HMCN2: variants seen among roughly 807,000 people sequenced by gnomAD.
HMCN2 encodes the protein hemicentin 2.
In HMCN2, 325 loss-of-function variants were observed where a neutral mutation model predicts 377.5. The ratio of observed to expected loss-of-function variants is 0.86; its 90% CI spans 0.79 to 0.94. HMCN2 has a LOEUF of 0.94. Among genes scored for constraint, HMCN2 ranks in the 40% least tolerant of loss-of-function variants. HMCN2 has a pLI of 0.00. For synonymous variants in HMCN2, 2,007 were observed against 2,046.8 expected, an observed-to-expected ratio of 0.98 and a Z score of 0.53; for missense variants, 4,543 against 4,725.3, an observed-to-expected ratio of 0.96 and a Z score of 1.13.
chr9:130,339,298 G>A, intron 23 of HMCN2, among the ~76,000 whole-genome samples: 1 of 152,356 alleles, frequency 6.6e-6, no homozygotes, highest in Middle Eastern at 3.4e-3. Context: ...TGACGGCAGA[G>A]GTGAGAAGTG....
chr9:130,366,754 A>G (rs757795388), intron 43 of HMCN2, among the ~76,000 whole-genome samples: 4 of 151,956 alleles, frequency 2.6e-5, no homozygotes, highest in Non-Finnish European at 5.9e-5. Context: ...CACCCAGCCC[A>G]TTTAACCAAT....
chr9:130,335,428 A>G (rs1838694097), intron 22 of HMCN2, among the ~76,000 whole-genome samples: 1 of 152,170 alleles, frequency 6.6e-6, no homozygotes, highest in Non-Finnish European at 1.5e-5. Context: ...GCCAGGACAC[A>G]TACATATTTC....
intron 26 of HMCN2, among the ~76,000 whole-genome samples, chr9:130,348,232 C>A (rs1478687270): frequency 6.6e-6 from 1 of 152,196 alleles, no homozygotes; most frequent in African/African-American, 2.4e-5. Flanking sequence ...CTCAGGGGGA[C>A]CCTCCCTGGT....
Position 130,394,075 on chromosome 9 carries a change from G to A in HMCN2, c.10501+67G>A, listed in dbSNP as rs1842476736. Reference sequence around the variant, plus strand: ...GAGAGGGTGGGACTCTAGGGGCAATGGGAAGGACAGTGAGGGAGGTGAGTC... The same window carrying A: ...GAGAGGGTGGGACTCTAGGGGCAATAGGAAGGACAGTGAGGGAGGTGAGTC... On this transcript the variant is annotated intron_variant, in intron 68 of 97. Transcript: ENST00000683500. This position sits in a 1 kb window ranked among gnomAD's most constrained non-coding sequence, Gnocchi z 5.1. 4 of 1,179,996 alleles carry A rather than the reference G, an allele frequency of 3.4e-6. No individual in the cohort carries two copies. Among genetic ancestry groups the A allele is most frequent in the Non-Finnish European group, 4.3e-6 (4 of 933,738 alleles). The allele number at this position is 1,179,996 out of a possible 1,614,324, so 73.1% of individuals were successfully genotyped here.
At chr9:130,296,550 T>C (rs2086469509) in intron 6 of HMCN2, 124 bp from the exon 7 acceptor site, 4 of 389,380 alleles carry the variant, frequency 1.0e-5, no homozygotes, top group Admixed American at 2.8e-5. Flanking sequence ...GTTGCCCATG[T>C]GTCTACAAAA....
chr9:130,395,479 G>A (rs771514825), intron 71 of HMCN2, 132 bp downstream of exon 71: 56 of 746,966 alleles, frequency 7.5e-5, no homozygotes, highest in Non-Finnish European at 9.4e-5. Flanking sequence ...CCTGTTCCCC[G>A]GGTGTCATAC....
In HMCN2 at chr9:130,425,924, G is replaced by A. The variant is rs1308319311; in HGVS notation, c.13879G>A (p.Glu4627Lys). The A allele has an allele frequency of 6.5e-7, 1 of 1,545,464 alleles. No homozygotes were observed. The highest frequency in any genetic ancestry group is 1.2e-5 in the South Asian group (1 of 83,876). The change falls in exon 90 of 98, where the codon GAG (glutamate) becomes AAG (lysine). Residue 4627 changes from glutamate to lysine, a missense_variant and splice_region_variant. Glu to Lys is a moderately conservative substitution (Grantham distance 56). Transcript: ENST00000683500. ...RFQLATALQA[E>K]ENEVGCPEGF... Reference sequence around the variant, plus strand: ...CCAGCTCGCTACAGCCCTGCAGGCGGGTGAGGCCCCTCTGCTTTGTTCCAC... The same window carrying A: ...CCAGCTCGCTACAGCCCTGCAGGCGAGTGAGGCCCCTCTGCTTTGTTCCAC...
At chr9:130,279,056 C>T (rs1382635292) in intron 1 of HMCN2, among the ~76,000 whole-genome samples, 2 of 151,864 alleles carry the variant, frequency 1.3e-5, no homozygotes, top group Admixed American at 1.3e-4. Flanking sequence ...CGTCACCAGG[C>T]CCAGCTAATT....
At position 130,398,649 on chromosome 9, in the gene HMCN2, G is replaced by C; in HGVS notation, c.11425G>C (p.Val3809Leu). Residue 3809 changes from valine (V) to leucine (L), a missense_variant, in exon 75 of 98, where the codon GTG becomes CTG. Coordinates refer to ENST00000683500, the MANE Select transcript of HMCN2 (RefSeq NM_001291815.2). ...CEASGSPKPL[V>L]VWWKDGQKLD... ...GGCCAGCGGCTCCCCTAAGCCCCTG[G>C]TGGTCTGGTGGAAGGACGGACAGAA... 1 of 1,289,616 alleles carries C rather than the reference G, an allele frequency of 7.8e-7. No individual in the cohort carries two copies. 79.9% of individuals were successfully genotyped at this position (1,289,616 alleles called of 1,614,324 possible). A position where few individuals can be genotyped will look rare whatever the true frequency, so the allele number is the denominator to read the frequency against.
intron 1 of HMCN2, among the ~76,000 whole-genome samples, chr9:130,273,061 TGTTCTG>T (rs1394231831): frequency 6.6e-6 from 1 of 152,170 alleles, no homozygotes; most frequent in Non-Finnish European, 1.5e-5. Flanking sequence ...ACATGCCTCT[TGTTCTG>T]TTCACATTTA....
chr9:130,353,014 G>C lies in HMCN2; in HGVS notation c.4673G>C (p.Gly1558Ala). 7.7e-7 allele frequency: 1 copy of C among 1,304,150 alleles called. No individual in the cohort carries two copies. The highest frequency in any genetic ancestry group is 1.0e-6 in the Non-Finnish European group (1 of 988,898). The allele number at this position is 1,304,150 out of a possible 1,614,324, so 80.8% of individuals were successfully genotyped here. A position where few individuals can be genotyped will look rare whatever the true frequency, so the allele number is the denominator to read the frequency against. Residue 1558 changes from glycine (G) to alanine (A), a missense_variant, in exon 31 of 98, where the codon GGA becomes GCA. Gly to Ala is a moderately conservative substitution (Grantham distance 60). Transcript: ENST00000683500. ...HLVQLLCEAR[G>A]VPTPNITWFK... ...GTGCAGCTCCTGTGTGAGGCTCGAG[G>C]AGTGCCCACCCCAAACATCACCTGG...
intron 1 of HMCN2, among the ~76,000 whole-genome samples, chr9:130,276,708 A>T (rs1834714454): frequency 1.3e-5 from 2 of 152,172 alleles, no homozygotes. Context: ...CTGTCCCTTG[A>T]GGGTGTCTTT....
intron 12 of HMCN2, among the ~76,000 whole-genome samples, chr9:130,306,549 C>T (rs1488819111): frequency 6.6e-6 from 1 of 150,992 alleles, no homozygotes; most frequent in Non-Finnish European, 1.5e-5. Flanking sequence ...CCCGTCCCCA[C>T]CATTCAGGCT....
intron 1 of HMCN2, among the ~76,000 whole-genome samples, chr9:130,270,261 C>T (rs1357246733): frequency 2.2e-5 from 3 of 133,718 alleles, no homozygotes; most frequent in Middle Eastern, 4.0e-3. Flanking sequence ...CACTTAGGTG[C>T]TTATAAAGGT....
At position 130,393,250 on chromosome 9, in the gene HMCN2, C is replaced by T. The variant is rs930089761; in HGVS notation, c.10175C>T (p.Thr3392Ile). 2.0e-6 allele frequency: 2 copies of T among 988,474 alleles called. No homozygotes were observed. Among genetic ancestry groups the T allele is most frequent in the South Asian group, 4.7e-5 (1 of 21,412 alleles). The allele number at this position is 988,474 out of a possible 1,614,324, so 61.2% of individuals were successfully genotyped here. Residue 3392 changes from threonine to isoleucine, a missense_variant, in exon 67 of 98, where the codon ACC becomes ATC. Transcript: ENST00000683500. This position sits in a 1 kb window ranked among gnomAD's most constrained non-coding sequence, Gnocchi z 5.2. ...KVQLADAGIF[T>I]CVAASPAGVA... is the part of the protein sequence containing the mutation. ...CAATTGGCAGACGCTGGCATCTTCA[C>T]CTGTGTGGCCGCAAGCCCAGCTGGC...
rs1554935039 is a variant in HMCN2, at chr9:130,302,911, T to G, written c.1331T>G (p.Leu444Arg). ...PRIHGYLHQP[L>R]LVSCSVHSAL... ...ATCCATGGCTACCTGCACCAGCCCC[T>G]GCTGGTCTCCTGCTCGGTGCACAGT... is the stretch of plus-strand genomic sequence containing the variant. The change falls in exon 9 of 98, where the codon CTG (leucine) becomes CGG (arginine). Residue 444 changes from leucine (L) to arginine (R), a missense_variant. Leu to Arg is a moderately radical substitution (Grantham distance 102, BLOSUM62 -2). Coordinates refer to ENST00000683500, the MANE Select transcript of HMCN2 (RefSeq NM_001291815.2). 1 of 470,682 alleles carries G rather than the reference T, an allele frequency of 2.1e-6. No homozygotes were observed. The highest frequency in any genetic ancestry group is 4.4e-6 in the Non-Finnish European group (1 of 226,734). 29.2% of individuals were successfully genotyped at this position (470,682 alleles called of 1,614,324 possible). A position where few individuals can be genotyped will look rare whatever the true frequency, so the allele number is the denominator to read the frequency against.
intron 1 of HMCN2, among the ~76,000 whole-genome samples, chr9:130,283,162 T>A (rs1180760590): frequency 2.0e-5 from 3 of 151,890 alleles, no homozygotes; most frequent in Non-Finnish European, 4.4e-5. Context: ...CCTTACACAA[T>A]CCCCACTATG....
chr9:130,417,355 C>T (rs1177617261), intron 85 of HMCN2, among the ~76,000 whole-genome samples: 4 of 151,596 alleles, frequency 2.6e-5, no homozygotes, highest in Non-Finnish European at 5.9e-5. Flanking sequence ...AACCCCGTCT[C>T]TACCAAAAAT....
chr9:130,390,920 G>T (rs1842284826), intron 62 of HMCN2, 57 bp from the exon 63 acceptor site: 1 of 981,070 alleles, frequency 1.0e-6, no homozygotes, highest in Non-Finnish European at 1.2e-6. Flanking sequence ...GTGGGGCTCA[G>T]TTTCCTATGA....
Sources: gnomAD v4.1 joint callset for allele counts (sites outside exome capture counted in the v4.1 genomes callset) on GRCh38, gnomAD v4.1.1 for gene constraint, Gnocchi (gnomAD v3.1) non-coding constraint, MANE v1.5 for transcripts, NCBI Gene and HGNC (gene_info 2026-07-23, HGNC 2026-07-21) for gene names.